Variants in CHN2 observed in about 807,000 individuals in gnomAD.
CHN2 encodes chimerin 2.
A neutral mutation model predicts 56.3 loss-of-function variants in CHN2; 35 were observed. The ratio of observed to expected loss-of-function variants is 0.62; its 90% CI spans 0.47 to 0.82. The LOEUF (loss-of-function observed/expected upper bound fraction) is 0.82. Ranked by LOEUF, CHN2 falls within the 40% of genes least tolerant of loss-of-function variation. CHN2 has a pLI of 0.00. For synonymous variants in CHN2, 210 were observed against 212.8 expected, an observed-to-expected ratio of 0.99 and a Z score of 0.12; for missense variants, 491 against 580.5, an observed-to-expected ratio of 0.85 and a Z score of 1.58.
Position 29,415,316 on chromosome 7 carries a change from G to A in CHN2, c.576+14488G>A, listed in dbSNP as rs113788074. Among the ~76,000 whole-genome samples the A allele has an allele frequency of 2.7e-3, 409 of 152,334 alleles. No individual in the cohort carries two copies. The Middle Eastern group carries it at 0.027, about 10-fold the overall frequency. On this transcript the variant is annotated intron_variant, in intron 6 of 12. Coordinates refer to ENST00000222792, the MANE Select transcript of CHN2 (RefSeq NM_004067.4). ...TCAGACATCAAAGAATGAAGCCATG[G>A]AAGAAAGCTGATGCTAGAGATGGAG...
intron 2 of CHN2, among the ~76,000 whole-genome samples, chr7:29,170,949 C>T (rs953851195): frequency 1.3e-5 from 2 of 152,082 alleles, no homozygotes; most frequent in Non-Finnish European, 2.9e-5. Flanking sequence ...AAAGACCTGC[C>T]CCCATGCTTC....
intron 1 of CHN2, among the ~76,000 whole-genome samples, chr7:29,227,479 A>G (rs1265143330): frequency 1.3e-5 from 2 of 152,202 alleles, no homozygotes; most frequent in Non-Finnish European, 1.5e-5. Flanking sequence ...TCGTAAGTCC[A>G]TATAGGTCTG....
intron 1 of CHN2, among the ~76,000 whole-genome samples, chr7:29,336,605 T>G (rs760078644): frequency 2.6e-5 from 4 of 151,720 alleles, no homozygotes; most frequent in Admixed American, 6.6e-5. Flanking sequence ...AAAAAAAAAT[T>G]TTTAATTAGC....
intron 1 of CHN2, among the ~76,000 whole-genome samples, chr7:29,232,982 G>C (rs1446007331): frequency 6.6e-6 from 1 of 152,102 alleles, no homozygotes; most frequent in Non-Finnish European, 1.5e-5. Flanking sequence ...TATTTAGCTT[G>C]AAAATTTACA....
At chr7:29,451,938 G>A (rs1237983285) in intron 6 of CHN2, among the ~76,000 whole-genome samples, 1 of 152,138 alleles carries the variant, frequency 6.6e-6, no homozygotes, top group Non-Finnish European at 1.5e-5. Flanking sequence ...ATGCCCATAG[G>A]CCTAAATCAG....
At chr7:29,315,623 G>A (rs913477140) in intron 1 of CHN2, among the ~76,000 whole-genome samples, 1 of 152,056 alleles carries the variant, frequency 6.6e-6, no homozygotes, top group Non-Finnish European at 1.5e-5. Context: ...ATAAAAAATG[G>A]GGTATTCTGA....
At chr7:29,489,457 T>G (rs1420133) in intron 7 of CHN2, among the ~76,000 whole-genome samples, 46,648 of 152,110 alleles carry the variant, frequency 0.31, 7,431 homozygotes, top group Admixed American at 0.35. Flanking sequence ...ACGGTATATT[T>G]CAATGAAAGA....
At chr7:29,254,488 G>A (rs943786164) in intron 1 of CHN2, among the ~76,000 whole-genome samples, 38 of 152,272 alleles carry the variant, frequency 2.5e-4, no homozygotes, top group Admixed American at 1.7e-3. Context: ...AAAACCTAAG[G>A]TATAAGGTAA....
At chr7:29,276,377 T>TG (rs1258432919) in intron 1 of CHN2, among the ~76,000 whole-genome samples, 1 of 152,182 alleles carries the variant, frequency 6.6e-6, no homozygotes, top group Non-Finnish European at 1.5e-5. Context: ...CCATGGGGCC[T>TG]GGATATTATT....
chr7:29,510,589 A>G (rs6462149), intron 12 of CHN2, among the ~76,000 whole-genome samples: 146,954 of 152,290 alleles, frequency 0.96, 70,915 homozygotes, highest in East Asian at 1. Flanking sequence ...GGCAACCCTC[A>G]GTTCCTTGCC....
intron 2 of CHN2, chr7:29,147,057 C>A (rs1792825968): frequency 6.7e-7 from 1 of 1,492,442 alleles, no homozygotes; most frequent in Admixed American, 2.2e-5. Flanking sequence ...ACCATTATAC[C>A]CATTTTGCAA....
At chr7:29,420,199 G>A (rs1804196084) in intron 6 of CHN2, among the ~76,000 whole-genome samples, 1 of 152,038 alleles carries the variant, frequency 6.6e-6, no homozygotes, top group Admixed American at 6.5e-5. Flanking sequence ...AGCTGCTATG[G>A]AAAACAATAT....
chr7:29,349,608 C>G (rs1235027522), intron 1 of CHN2, among the ~76,000 whole-genome samples: 4 of 152,166 alleles, frequency 2.6e-5, no homozygotes, highest in African/African-American at 4.8e-5. Flanking sequence ...TCATCTATAT[C>G]TTTGTACATG....
chr7:29,450,057 G>T (rs890817481), intron 6 of CHN2, among the ~76,000 whole-genome samples: 2 of 152,192 alleles, frequency 1.3e-5, no homozygotes, highest in Non-Finnish European at 2.9e-5. Flanking sequence ...GAAATTCAGG[G>T]TGTGTATTTC....
intron 6 of CHN2, among the ~76,000 whole-genome samples, chr7:29,475,534 GA>G (rs1193007488): frequency 6.6e-6 from 1 of 152,178 alleles, no homozygotes; most frequent in Non-Finnish European, 1.5e-5. Context: ...CAAAAGAATT[GA>G]AAACAAGCGT....
intron 6 of CHN2, among the ~76,000 whole-genome samples, chr7:29,421,802 C>T (rs1804373461): frequency 6.6e-6 from 1 of 152,190 alleles, no homozygotes; most frequent in Admixed American, 6.5e-5. Flanking sequence ...AGAGCACCCC[C>T]ATCCTTGCCA....
chr7:29,203,011 C>G (rs989999659), intron 1 of CHN2, among the ~76,000 whole-genome samples: 3 of 152,116 alleles, frequency 2.0e-5, no homozygotes, highest in South Asian at 4.1e-4. Context: ...AGTGTGACAG[C>G]CACATGTGGT....
At position 29,364,362 on chromosome 7, in the gene CHN2, C is replaced by G. The variant is rs1798976048; in HGVS notation, c.89-3570C>G. ...AGCTAAAAATGCTTCTCTTTTATAACAGGTATGCATCCTTTGCCACCTCCA... is the reference window on the plus strand; with the variant it reads ...AGCTAAAAATGCTTCTCTTTTATAAGAGGTATGCATCCTTTGCCACCTCCA... On this transcript the variant is annotated intron_variant, in intron 2 of 12. Transcript: ENST00000222792. 2.0e-5 allele frequency among the ~76,000 whole-genome samples: 3 copies of G among 152,218 alleles called. No homozygotes were observed. In the South Asian group the frequency reaches 6.2e-4, roughly 31 times the overall value.
intron 2 of CHN2, chr7:29,186,530 G>C (rs950693322): frequency 6.6e-6 from 1 of 151,818 alleles, no homozygotes; most frequent in Non-Finnish European, 1.5e-5. Context: ...AGCTGTGATC[G>C]TGTCACTGTA....
Sources: gnomAD v4.1 joint callset for allele counts (sites outside exome capture counted in the v4.1 genomes callset) on GRCh38, gnomAD v4.1.1 for gene constraint, MANE v1.5 for transcripts, NCBI Gene and HGNC (gene_info 2026-07-23, HGNC 2026-07-21) for gene names.